GATAD1: variants seen among roughly 807,000 people sequenced by gnomAD.
The protein encoded by GATAD1 is GATA zinc finger domain-containing protein 1.
A neutral mutation model predicts 26.5 loss-of-function variants in GATAD1; 12 were observed. The ratio of observed to expected loss-of-function variants is 0.45; its 90% CI spans 0.29 to 0.73. The LOEUF is 0.73. Ranked by LOEUF, GATAD1 falls within the 30% of genes least tolerant of loss-of-function variation. The pLI, the probability that GATAD1 is intolerant of heterozygous loss-of-function variation, is 0.10. For missense variants in GATAD1, 266 were observed against 342.1 expected, an observed-to-expected ratio of 0.78 and a Z score of 1.75; for synonymous variants, 129 against 133.1, an observed-to-expected ratio of 0.97 and a Z score of 0.21.
the GATAD1 span, among the ~76,000 whole-genome samples, chr7:92,486,002 A>G: frequency 0.018 from 2,773 of 152,354 alleles, 48 homozygotes; most frequent in Non-Finnish European, 0.026. Context: ...CAAGTGGTCA[A>G]GATGACCTCT....
At chr7:92,478,305 A>G in the GATAD1 span, among the ~76,000 whole-genome samples, 4 of 152,220 alleles carry the variant, frequency 2.6e-5, no homozygotes, top group East Asian at 1.9e-4. Flanking sequence ...CATAGCCACA[A>G]ATGACTGCAG....
chr7:92,463,009 A>G (rs961051345), downstream of GATAD1: 7 of 152,270 alleles, frequency 4.6e-5, no homozygotes, highest in African/African-American at 1.4e-4. Flanking sequence ...CAGCAGACGA[A>G]TGGATGATCA....
At chr7:92,468,216 A>T in the GATAD1 span, among the ~76,000 whole-genome samples, 3 of 152,178 alleles carry the variant, frequency 2.0e-5, no homozygotes, top group African/African-American at 7.2e-5. Context: ...CTTTAGCCCG[A>T]TTGGGAGCGG....
intron 1 of GATAD1, 48 bp downstream of exon 1, chr7:92,448,026 G>T (rs1017814287): frequency 3.1e-5 from 37 of 1,193,828 alleles, no homozygotes; most frequent in Middle Eastern, 3.3e-4. Context: ...CCAGGTGCTA[G>T]GCGGGCGGGG....
chr7:92,451,903 A>T (rs1789450059), intron 3 of GATAD1, among the ~76,000 whole-genome samples: 1 of 152,242 alleles, frequency 6.6e-6, no homozygotes, highest in Non-Finnish European at 1.5e-5. Context: ...GGAGTGAGGC[A>T]GTCTCATGCC....
chr7:92,494,724 T>A, the GATAD1 span: 1 of 767,170 alleles, frequency 1.3e-6, no homozygotes, highest in South Asian at 2.5e-5. Context: ...TTTTATGTAT[T>A]TATATATATT....
At chr7:92,494,250 G>A in the GATAD1 span, 5 of 1,356,474 alleles carry the variant, frequency 3.7e-6, no homozygotes, top group Admixed American at 5.2e-5. Context: ...AGGAAAGAGT[G>A]TAGCATTTGT....
At chr7:92,486,291 G>C in the GATAD1 span, among the ~76,000 whole-genome samples, 1 of 152,210 alleles carries the variant, frequency 6.6e-6, no homozygotes, top group Non-Finnish European at 1.5e-5. Flanking sequence ...TCCTGGAGGG[G>C]ACACACCTTG....
At chr7:92,453,215 T>C (rs1389914264) in intron 3 of GATAD1, among the ~76,000 whole-genome samples, 1 of 152,254 alleles carries the variant, frequency 6.6e-6, no homozygotes, top group Admixed American at 6.5e-5. Context: ...CCTACAGCTT[T>C]ACCTGCTGCC....
At chr7:92,492,155 T>C in the GATAD1 span, among the ~76,000 whole-genome samples, 1 of 152,158 alleles carries the variant, frequency 6.6e-6, no homozygotes, top group Admixed American at 6.5e-5. Context: ...AAGAATATTT[T>C]TCTTTTTTGG....
At chr7:92,487,486 G>A in the GATAD1 span, 8 of 1,594,348 alleles carry the variant, frequency 5.0e-6, no homozygotes, top group Admixed American at 1.7e-5. Context: ...TGTCCAGGTC[G>A]AAACATTGTT....
At chr7:92,466,619 C>A in the GATAD1 span, among the ~76,000 whole-genome samples, 1 of 152,214 alleles carries the variant, frequency 6.6e-6, no homozygotes, top group African/African-American at 2.4e-5. Context: ...ACATCACAGG[C>A]ACTTTGCTAA....
the GATAD1 span, chr7:92,491,546 T>C: frequency 8.6e-7 from 1 of 1,159,978 alleles, no homozygotes; most frequent in Admixed American, 1.7e-5. Flanking sequence ...TGTAAACAAT[T>C]TTAGTCTCAG....
the GATAD1 span, chr7:92,487,580 T>C: frequency 1.9e-5 from 17 of 895,356 alleles, no homozygotes; most frequent in African/African-American, 2.5e-4. Context: ...GTATAAATAC[T>C]ACCATTACAA....
chr7:92,492,363 C>T, the GATAD1 span, among the ~76,000 whole-genome samples: 1 of 152,142 alleles, frequency 6.6e-6, no homozygotes, highest in Admixed American at 6.5e-5. Flanking sequence ...ATAGTGGGTA[C>T]AGTTTGTGCA....
At chr7:92,470,563 G>A in the GATAD1 span, 6 of 531,228 alleles carry the variant, frequency 1.1e-5, no homozygotes, top group Non-Finnish European at 2.0e-5. Flanking sequence ...TTTAACCGCA[G>A]TTGGGGTAGA....
the GATAD1 span, among the ~76,000 whole-genome samples, chr7:92,479,746 G>A: frequency 6.6e-6 from 1 of 152,158 alleles, no homozygotes; most frequent in African/African-American, 2.4e-5. Context: ...GAGTGGGAGA[G>A]ATTAAGCTGA....
At chr7:92,468,795 T>C in the GATAD1 span, 1 of 758,950 alleles carries the variant, frequency 1.3e-6, no homozygotes, top group East Asian at 2.4e-5. Context: ...TGGGGCGTAG[T>C]AGAGGTTGTG....
chr7:92,489,318 C>T, the GATAD1 span: 3 of 1,613,638 alleles, frequency 1.9e-6, no homozygotes, highest in Non-Finnish European at 1.7e-6. Context: ...TTCCAGTCAT[C>T]TTCACTAATG....
Sources: allele counts gnomAD v4.1 joint callset (sites outside exome capture counted in the v4.1 genomes callset), GRCh38; gene constraint gnomAD v4.1.1; transcripts MANE v1.5; gene names NCBI Gene and HGNC (gene_info 2026-07-23, HGNC 2026-07-21).